KIAA1210: variants seen among roughly 807,000 people sequenced by gnomAD.
The protein encoded by KIAA1210 is acrosomal protein KIAA1210.
KIAA1210 carries 48 observed loss-of-function variants against 78.9 expected under a neutral mutation model. The observed-to-expected ratio is 0.61, with a 90% CI of 0.48 to 0.77. The LOEUF is 0.77. Among genes scored for constraint, KIAA1210 ranks in the 30% least tolerant of loss-of-function variants. The pLI, the probability that KIAA1210 is intolerant of heterozygous loss-of-function variation, is 0.00. For missense variants in KIAA1210, 1,108 were observed against 1,100.0 expected, an observed-to-expected ratio of 1.01 and a Z score of -0.10; for synonymous variants, 406 against 404.5, an observed-to-expected ratio of 1.00 and a Z score of -0.04.
chrX:119,135,601 A>G (rs1928893581), intron 2 of KIAA1210, among the ~76,000 whole-genome samples: 1 of 111,668 alleles, frequency 9.0e-6, no homozygotes, highest in Non-Finnish European at 1.9e-5. Flanking sequence ...TCTGCCCCCA[A>G]ATGCTCTGCT....
chrX:119,136,423 T>C (rs1290786319), intron 2 of KIAA1210, among the ~76,000 whole-genome samples: 3 of 112,297 alleles, frequency 2.7e-5, no homozygotes, highest in Non-Finnish European at 3.8e-5. Flanking sequence ...CTCCCAGTTC[T>C]GGAGGGATAT....
intron 3 of KIAA1210, among the ~76,000 whole-genome samples, chrX:119,112,102 C>T (rs976629562): frequency 8.1e-5 from 9 of 110,767 alleles, no homozygotes; most frequent in South Asian, 3.9e-4. Flanking sequence ...GTGGCATCCC[C>T]GCTTGCACTC....
At chrX:119,150,482 C>G (rs747393355) in exon 1 of KIAA1210, 2 of 1,211,401 alleles carry the variant, frequency 1.7e-6, no homozygotes, top group Non-Finnish European at 2.2e-6. Context: ...CCTGGCCCCT[C>G]GGTCCCTGGG....
Position 119,096,510 on chromosome X carries a change from T to G in KIAA1210, c.830A>C (p.Lys277Thr). 2.5e-6 allele frequency: 3 copies of G among 1,209,618 alleles called. No individual in the cohort carries two copies. The highest frequency in any genetic ancestry group is 3.4e-6 in the Non-Finnish European group (3 of 894,147). Residue 277 changes from lysine (K) to threonine (T), a missense_variant, in exon 7 of 12, where the codon AAG becomes ACG. Lys to Thr is a moderately conservative substitution (Grantham distance 78). Coordinates refer to ENST00000691062, the MANE Select transcript of KIAA1210 (RefSeq NM_001394962.1). ...KMTLNPRKQK[K>T]NLQVIVEPKE... Reference sequence around the variant, plus strand: ...AGGACTTACAATCACTTGAAGGTTCTTCTTTTGTTTGCGGGGATTTAAAGT... The same window carrying G: ...AGGACTTACAATCACTTGAAGGTTCGTCTTTTGTTTGCGGGGATTTAAAGT...
chrX:119,120,080 G>A (rs1371257534), intron 2 of KIAA1210, among the ~76,000 whole-genome samples: 3 of 111,268 alleles, frequency 2.7e-5, no homozygotes, highest in African/African-American at 9.8e-5. Context: ...GAAACAGGGG[G>A]ATTGCTTGAG....
chrX:119,088,963 T>C lies in KIAA1210; in HGVS notation c.1739A>G (p.Asp580Gly), dbSNP rs755472233. The C allele has an allele frequency of 1.3e-5, 16 of 1,209,966 alleles. No individual in the cohort carries two copies. Among genetic ancestry groups the C allele is most frequent in the Non-Finnish European group, 1.8e-5 (16 of 895,089 alleles). ...GGGAGGCAGAGTCTTGGCATAAACA[T>C]CTCCTTTGGCTGTAGTACTTGTCAT... ...LGMTSTTAKG[D>G]VYAKTLPPRS... Residue 580 changes from aspartate to glycine, a missense_variant, in exon 9 of 12, where the codon GAT becomes GGT. By Grantham distance (94) the Asp-to-Gly change is moderately conservative. This residue lies in a region of KIAA1210 where 672 missense variants were observed against 607.1 expected (regional missense o/e 1.11). Coordinates refer to ENST00000691062, the MANE Select transcript of KIAA1210 (RefSeq NM_001394962.1).
At position 119,108,442 on chromosome X, in the gene KIAA1210, T is replaced by A; in HGVS notation, c.387A>T (p.Lys129Asn). Residue 129 changes from lysine (K) to asparagine (N), a missense_variant, in exon 5 of 12, where the codon AAA becomes AAT. Coordinates refer to ENST00000691062, the MANE Select transcript of KIAA1210 (RefSeq NM_001394962.1). Reference protein sequence around the residue: ...QRSHISRTLPKPRSKVPGVVS... With the variant: ...QRSHISRTLPNPRSKVPGVVS... ...CAACTCCAGGAACCTTACTCCTAGG[T>A]TTAGGCAGAGTTCTGGAAATATGGG... is the stretch of plus-strand genomic sequence containing the variant. The A allele has an allele frequency of 8.3e-7, 1 of 1,209,021 alleles. No individual in the cohort carries two copies. Among genetic ancestry groups the A allele is most frequent in the Non-Finnish European group, 1.1e-6 (1 of 893,931 alleles).
chrX:119,108,381 C>A lies in KIAA1210; in HGVS notation c.448G>T (p.Val150Leu). The A allele has an allele frequency of 1.7e-6, 2 of 1,210,776 alleles. No homozygotes were observed. Among genetic ancestry groups the A allele is most frequent in the Non-Finnish European group, 2.2e-6 (2 of 895,126 alleles). Residue 150 changes from valine to leucine, a missense_variant, in exon 5 of 12, where the codon GTG becomes TTG. Physicochemically the swap from Val to Leu is conservative, Grantham distance 32. Around this residue, in one of 5 missense-constraint regions of KIAA1210, gnomAD observed 672 missense variants for 607.1 expected, o/e 1.11. Coordinates refer to ENST00000691062, the MANE Select transcript of KIAA1210 (RefSeq NM_001394962.1). ...GCAACCCAGACTGCACTTGTAGGCA[C>A]ATTTTGAAGCACAGCTCCTGACATG... The part of the protein sequence containing the change: ...GAMSGAVLQN[V>L]PTSAVWVAGP...
Position 119,087,914 on chromosome X carries a change from T to C in KIAA1210, c.2788A>G (p.Ser930Gly). 1 of 1,211,945 alleles carries C rather than the reference T, an allele frequency of 8.3e-7. No individual in the cohort carries two copies. ...GAAATGTCCTCTTCAACAGTAGTGC[T>C]TTCTGGATGTGCAGAGAGTTGATAC... is the stretch of plus-strand genomic sequence containing the variant. ...ELYQLSAHPESTTVEEDISKE... is the reference protein window; with the variant it reads ...ELYQLSAHPEGTTVEEDISKE... The change falls in exon 9 of 12, where the codon AGC becomes GGC. Residue 930 changes from serine to glycine, a missense_variant. Coordinates refer to ENST00000691062, the MANE Select transcript of KIAA1210 (RefSeq NM_001394962.1).
Position 119,086,973 on chromosome X carries a change from T to C in KIAA1210, c.3729A>G (p.Ile1243Met). 1.7e-6 allele frequency: 2 copies of C among 1,211,480 alleles called. No homozygotes were observed. The highest frequency in any genetic ancestry group is 2.2e-6 in the Non-Finnish European group (2 of 895,397). ...KKFSQGSKNP[I>M]KSIPAPATKP... Reference sequence around the variant, plus strand: ...TGGTAGCAGGGGCTGGAATGCTCTTTATGGGGTTTTTGGAACCTTGGCTGA... The same window carrying C: ...TGGTAGCAGGGGCTGGAATGCTCTTCATGGGGTTTTTGGAACCTTGGCTGA... The change falls in exon 9 of 12, where the codon ATA becomes ATG. Residue 1243 changes from isoleucine (I) to methionine (M), a missense_variant. Ile to Met is a conservative substitution (Grantham distance 10, BLOSUM62 1). Transcript: ENST00000691062.
chrX:119,119,647 C>T (rs1353850439), intron 2 of KIAA1210, among the ~76,000 whole-genome samples: 2 of 111,116 alleles, frequency 1.8e-5, no homozygotes, highest in Non-Finnish European at 3.8e-5. Flanking sequence ...GAGTTCGAGA[C>T]CAGCCTGATC....
intron 1 of KIAA1210, among the ~76,000 whole-genome samples, chrX:119,126,678 C>T (rs1928656114): frequency 8.9e-6 from 1 of 112,026 alleles, no homozygotes; most frequent in African/African-American, 3.2e-5. Flanking sequence ...GATTTACACA[C>T]CAATGCATTG....
At chrX:119,085,728 G>A (rs1927111988) in intron 9 of KIAA1210, among the ~76,000 whole-genome samples, 182 bp from the exon 10 acceptor site, 1 of 112,401 alleles carries the variant, frequency 8.9e-6, no homozygotes, top group Non-Finnish European at 1.9e-5. Flanking sequence ...GGCAAGGCAG[G>A]AGTTCCTTGG....
Position 119,104,921 on chromosome X carries a change from T to G in KIAA1210, c.648+71A>C, listed in dbSNP as rs756434521. On this transcript the variant is annotated intron_variant, in intron 6 of 11. Transcript: ENST00000691062. ...CTAGTGTTGAGCTCCAGCGGGAGAA[T>G]AGATGATACAAGAAGAAGTTATGCC... The G allele has an allele frequency of 1.4e-4, 142 of 996,580 alleles. 1 individual carries two copies. In the South Asian group the frequency reaches 2.4e-3, roughly 17 times the overall value. 82.1% of individuals were successfully genotyped at this position (996,580 alleles called of 1,213,427 possible). A position where few individuals can be genotyped will look rare whatever the true frequency, so the allele number is the denominator to read the frequency against.
chrX:119,115,469 G>T (rs1569319450), intron 3 of KIAA1210, among the ~76,000 whole-genome samples: 1 of 111,694 alleles, frequency 9.0e-6, no homozygotes. Flanking sequence ...AAAACCGTCT[G>T]CCCTACTCCC....
At position 119,089,630 on chromosome X, in the gene KIAA1210, C is replaced by T. The variant is rs749858644; in HGVS notation, c.1072G>A (p.Gly358Arg). The change falls in exon 9 of 12, where the codon GGA (glycine) becomes AGA (arginine). Residue 358 changes from glycine (G) to arginine (R), a missense_variant. Coordinates refer to ENST00000691062, the MANE Select transcript of KIAA1210 (RefSeq NM_001394962.1). ...SQGYPMSAAY[G>R]RRWRRKGASV... ...GCTCCTTTTCTTCTCCATCTTCTTC[C>T]ATATGCTGCTGACATTGGATAGCCC... The T allele has an allele frequency of 6.6e-5, 80 of 1,209,969 alleles. No homozygotes were observed. Among genetic ancestry groups the T allele is most frequent in the Non-Finnish European group, 8.4e-5 (75 of 895,180 alleles).
chrX:119,134,177 G>A (rs1409137287), intron 2 of KIAA1210, among the ~76,000 whole-genome samples: 3 of 111,137 alleles, frequency 2.7e-5, no homozygotes, highest in South Asian at 7.7e-4. Context: ...ACTCTCTACC[G>A]CCATGAGATC....
At chrX:119,112,126 ACCATGTAAGACGTG>A (rs1051183133) in intron 3 of KIAA1210, among the ~76,000 whole-genome samples, 11 of 110,574 alleles carry the variant, frequency 9.9e-5, no homozygotes, top group Non-Finnish European at 1.9e-4. Flanking sequence ...CTCTACTGCC[ACCATGTAAGACGTG>A]CCTTGCTTCC....
chrX:119,094,201 G>T, intron 7 of KIAA1210: 3 of 476,465 alleles, frequency 6.3e-6, no homozygotes, highest in Non-Finnish European at 1.1e-5. Flanking sequence ...ATCCTTTTTG[G>T]CTTCTTTTCA....
Sources: gnomAD v4.1 joint callset for allele counts (sites outside exome capture counted in the v4.1 genomes callset) on GRCh38, gnomAD v4.1.1 for gene constraint, gnomAD v4.1.1 regional missense constraint, MANE v1.5 for transcripts, NCBI Gene and HGNC (gene_info 2026-07-23, HGNC 2026-07-21) for gene names.